The following CBX1 variants were observed in gnomAD, a reference collection of about 807,000 sequenced individuals.
CBX1 encodes chromobox protein homolog 1.
CBX1 carries 10 observed loss-of-function variants against 25.1 expected under a neutral mutation model. The ratio of observed to expected loss-of-function variants is 0.40; its 90% CI spans 0.25 to 0.68. The LOEUF (loss-of-function observed/expected upper bound fraction) is 0.68, where lower values mean the gene tolerates loss of function less well. Ranked by LOEUF, CBX1 falls within the 30% of genes least tolerant of loss-of-function variation. CBX1 has a pLI of 0.40. For synonymous variants in CBX1, 63 were observed against 79.4 expected, an observed-to-expected ratio of 0.79 and a Z score of 1.10; for missense variants, 106 against 218.5, an observed-to-expected ratio of 0.49 and a Z score of 3.25.
intron 1 of CBX1, among the ~76,000 whole-genome samples, chr17:48,091,477 C>T (rs1451018074): frequency 3.3e-5 from 5 of 151,084 alleles, no homozygotes; most frequent in Admixed American, 1.3e-4. Flanking sequence ...GGGGTTCAAC[C>T]GATTCTCCTG....
chr17:48,075,435 C>T (rs1050565946), intron 3 of CBX1, among the ~76,000 whole-genome samples: 11 of 152,106 alleles, frequency 7.2e-5, no homozygotes, highest in South Asian at 4.1e-4. Flanking sequence ...CCTTGTGATC[C>T]GCCCGCCTCG....
At chr17:48,074,924 C>G (rs543219851) in intron 4 of CBX1, 82 bp downstream of exon 4, 7 of 981,712 alleles carry the variant, frequency 7.1e-6, no homozygotes, top group Non-Finnish European at 1.1e-5. Context: ...ATTGGAATTT[C>G]GAAGGTCCAG....
chr17:48,094,755 AG>A (rs1419224976), intron 1 of CBX1, among the ~76,000 whole-genome samples: 2 of 145,310 alleles, frequency 1.4e-5, no homozygotes, highest in Non-Finnish European at 3.0e-5. Flanking sequence ...AAAAAAAAAA[AG>A]TGTGCTCCTG....
intron 3 of CBX1, 62 bp from the exon 4 acceptor site, chr17:48,075,162 C>T (rs1221279599): frequency 3.8e-6 from 4 of 1,050,170 alleles, no homozygotes; most frequent in Non-Finnish European, 5.9e-6. Context: ...AGACTGGAAC[C>T]ATTCCTGTGT....
At position 48,071,287 on chromosome 17, in the gene CBX1, C is replaced by T. The variant is rs2037622877; in HGVS notation, c.*148G>A. 1.4e-6 allele frequency: 1 copy of T among 732,848 alleles called. No individual in the cohort carries two copies. The highest frequency in any genetic ancestry group is 2.5e-5 in the South Asian group (1 of 40,784). 45.4% of individuals were successfully genotyped at this position (732,848 alleles called of 1,614,324 possible). A position where few individuals can be genotyped will look rare whatever the true frequency, so the allele number is the denominator to read the frequency against. On this transcript the variant is annotated 3_prime_UTR_variant, in exon 5 of 5. Transcript: ENST00000225603. ...TACAGCTTGAAACGGCTTTAAAGCACTTGGGCTGCTGCAGGGCACAGAAAC... is the reference window on the plus strand; with the variant it reads ...TACAGCTTGAAACGGCTTTAAAGCATTTGGGCTGCTGCAGGGCACAGAAAC...
intron 1 of CBX1, 165 bp downstream of exon 1, chr17:48,101,103 A>C: frequency 1.0e-6 from 1 of 986,590 alleles, no homozygotes; most frequent in Non-Finnish European, 1.2e-6. Context: ...CCTCAGCGAC[A>C]GGCGAAGAGC....
At chr17:48,093,666 C>T (rs2063356603) in intron 1 of CBX1, among the ~76,000 whole-genome samples, 1 of 152,198 alleles carries the variant, frequency 6.6e-6, no homozygotes, top group South Asian at 2.1e-4. Flanking sequence ...AGGCCAAAGT[C>T]GTCAGTGTAA....
chr17:48,074,016 G>T (rs891178021), intron 4 of CBX1, among the ~76,000 whole-genome samples: 2 of 152,046 alleles, frequency 1.3e-5, no homozygotes, highest in Admixed American at 6.6e-5. Context: ...TCTCTTATAG[G>T]TTAACAATAA....
chr17:48,090,197 C>T (rs1374360518), intron 1 of CBX1, among the ~76,000 whole-genome samples: 2 of 151,974 alleles, frequency 1.3e-5, no homozygotes, highest in South Asian at 2.1e-4. Context: ...TCACTGCGCC[C>T]GGCTATTTGT....
intron 1 of CBX1, among the ~76,000 whole-genome samples, chr17:48,097,841 A>T (rs1264673870): frequency 1.3e-5 from 2 of 152,168 alleles, no homozygotes; most frequent in Non-Finnish European, 2.9e-5. Context: ...AACCTTGGAA[A>T]GGCTATTCAA....
intron 1 of CBX1, among the ~76,000 whole-genome samples, chr17:48,082,867 C>CTT (rs36125840): frequency 7.1e-5 from 9 of 127,198 alleles, no homozygotes; most frequent in South Asian, 2.4e-4. Context: ...ACACAATTAT[C>CTT]TTTTTTTTTT....
intron 4 of CBX1, 93 bp from the exon 5 acceptor site, chr17:48,071,672 A>G: frequency 1.8e-6 from 2 of 1,094,644 alleles, no homozygotes; most frequent in South Asian, 4.4e-5. Flanking sequence ...AAAAATGGTA[A>G]TTTTAGAAAA....
At position 48,075,114 on chromosome 17, in the gene CBX1, A is replaced by T. The variant is rs1159755736; in HGVS notation, c.319-14T>A. 3 of 1,584,064 alleles carry T rather than the reference A, an allele frequency of 1.9e-6. No individual in the cohort carries two copies. Among genetic ancestry groups the T allele is most frequent in the Non-Finnish European group, 2.6e-6 (3 of 1,152,736 alleles). ...TGGCTTTTCTGACTGTAAAAACAAG[A>T]TGGGTAGAACAATTTTATCTATATG... On this transcript the variant is annotated splice_polypyrimidine_tract_variant and intron_variant, in intron 3 of 4. Transcript: ENST00000225603.
intron 1 of CBX1, among the ~76,000 whole-genome samples, 198 bp from the exon 2 acceptor site, chr17:48,077,239 A>C (rs2037683048): frequency 6.7e-6 from 1 of 150,194 alleles, no homozygotes; most frequent in African/African-American, 2.5e-5. Flanking sequence ...AACAGCCCCA[A>C]TTAATCTTAC....
In CBX1 at chr17:48,071,401, A is replaced by G; in HGVS notation, c.*34T>C. The stretch of plus-strand genomic sequence containing the variant: ...CCTTCCCTTCCCACTTGAAACCCAC[A>G]GTCAGATGTGACAGGGGCTGGTACT... On this transcript the variant is annotated 3_prime_UTR_variant, in exon 5 of 5. Transcript: ENST00000225603. The G allele has an allele frequency of 6.4e-7, 1 of 1,571,606 alleles. No homozygotes were observed. The highest frequency in any genetic ancestry group is 8.6e-7 in the Non-Finnish European group (1 of 1,159,586).
intron 4 of CBX1, among the ~76,000 whole-genome samples, chr17:48,072,151 C>G (rs1361251486): frequency 2.0e-5 from 3 of 152,004 alleles, no homozygotes; most frequent in Non-Finnish European, 2.9e-5. Context: ...GTGTGCGCCA[C>G]CACACCCAGC....
chr17:48,100,137 CAAA>C (rs543123998), intron 1 of CBX1, among the ~76,000 whole-genome samples: 1 of 56,894 alleles, frequency 1.8e-5, no homozygotes. Flanking sequence ...AGACTCTTCT[CAAA>C]AAAAAAAAAA....
At chr17:48,084,381 T>G (rs1389357732) in intron 1 of CBX1, among the ~76,000 whole-genome samples, 1 of 147,986 alleles carries the variant, frequency 6.8e-6, no homozygotes, top group Non-Finnish European at 1.5e-5. Context: ...ACCCAGCTAA[T>G]TTTTGTATTT....
chr17:48,077,005 A>G lies in CBX1; in HGVS notation c.-1T>C. ...TCTTCTTGTTTTGTTTTTTCCCCAT[A>G]GTGCCCGCCAGCTTTCTGGTGTAAA... On this transcript the variant is annotated 5_prime_UTR_variant, in exon 2 of 5. Transcript: ENST00000225603. 1 of 1,612,220 alleles carries G rather than the reference A, an allele frequency of 6.2e-7. No individual in the cohort carries two copies. The highest frequency in any genetic ancestry group is 1.7e-4 in the Middle Eastern group (1 of 6,052).
Sources: allele counts gnomAD v4.1 joint callset (sites outside exome capture counted in the v4.1 genomes callset), GRCh38; gene constraint gnomAD v4.1.1; transcripts MANE v1.5; gene names NCBI Gene and HGNC (gene_info 2026-07-23, HGNC 2026-07-21).